Variants in ERO1A observed in about 807,000 individuals in gnomAD.
The protein encoded by ERO1A is endoplasmic reticulum oxidoreductase 1 alpha.
A neutral mutation model predicts 76.9 loss-of-function variants in ERO1A; 49 were observed. That is an observed-to-expected ratio of 0.64 (90% CI 0.51 to 0.81). The LOEUF is 0.81. ERO1A is among the 30% of genes least tolerant of loss of function. ERO1A has a pLI of 0.00. For missense variants in ERO1A, 448 were observed against 542.1 expected (o/e 0.83, Z 1.72); for synonymous variants, 174 against 181.2 (o/e 0.96, Z 0.32).
At chr14:52,681,904 C>A (rs1036282925) in intron 3 of ERO1A, among the ~76,000 whole-genome samples, 2 of 152,058 alleles carry the variant, frequency 1.3e-5, no homozygotes, top group African/African-American at 4.8e-5. Context: ...AATCAAATAT[C>A]AGGCCAAAAG....
intron 3 of ERO1A, among the ~76,000 whole-genome samples, chr14:52,680,082 CAAA>C (rs35358193): frequency 0.046 from 4,230 of 90,974 alleles, 220 homozygotes; most frequent in African/African-American, 0.16. Flanking sequence ...AAAACACAAA[CAAA>C]AAAAAAAAAA....
chr14:52,680,911 T>C (rs540183808), intron 3 of ERO1A, among the ~76,000 whole-genome samples: 23 of 152,310 alleles, frequency 1.5e-4, no homozygotes, highest in African/African-American at 5.1e-4. Context: ...TATTTACATA[T>C]GTAAAATTAA....
At chr14:52,646,973 C>CTTTT (rs1158872333) in intron 13 of ERO1A, 3 of 45,974 alleles carry the variant, frequency 6.5e-5, no homozygotes, top group Non-Finnish European at 3.9e-5. Flanking sequence ...CCTTTGGTTT[C>CTTTT]TTTTTTTTTT....
At chr14:52,680,993 T>C (rs1265521416) in intron 3 of ERO1A, among the ~76,000 whole-genome samples, 1 of 152,120 alleles carries the variant, frequency 6.6e-6, no homozygotes, top group East Asian at 1.9e-4. Context: ...AAAGTAAAAG[T>C]ATTGTCAAGA....
intron 13 of ERO1A, 124 bp from the exon 14 acceptor site, chr14:52,646,585 G>T: frequency 1.6e-6 from 1 of 643,782 alleles, no homozygotes; most frequent in Non-Finnish European, 2.7e-6. Flanking sequence ...AATGAGAACA[G>T]CACTAATATT....
intron 11 of ERO1A, among the ~76,000 whole-genome samples, chr14:52,654,302 A>T (rs8011410): frequency 0.12 from 17,973 of 152,136 alleles, 1,178 homozygotes; most frequent in East Asian, 0.21. Context: ...TTTATAAAAT[A>T]TAGTAGTGCA....
rs1049203434 is a variant in ERO1A at position 52,641,208 on chromosome 14, G to A, written c.*2362C>T. 2.6e-4 allele frequency: 40 copies of A among 152,062 alleles called. No individual in the cohort carries two copies. The highest frequency in any genetic ancestry group is 9.4e-4 in the African/African-American group (39 of 41,388). The allele number at this position is 152,062 out of a possible 1,614,324, so 9.4% of individuals were successfully genotyped here. ...TTAAGATTTTAGACTTTACAGGAAG[G>A]GACTGTTAACCAGAGAGCCAAATGG... On this transcript the variant is annotated 3_prime_UTR_variant, in exon 16 of 16. Transcript: ENST00000395686.
chr14:52,649,221 C>A (rs2039770719), intron 13 of ERO1A, among the ~76,000 whole-genome samples: 1 of 152,170 alleles, frequency 6.6e-6, no homozygotes, highest in East Asian at 1.9e-4. Flanking sequence ...CTGACCAATT[C>A]TTGCCCAAAT....
chr14:52,672,654 T>C (rs1201695669), intron 4 of ERO1A, among the ~76,000 whole-genome samples: 1 of 151,438 alleles, frequency 6.6e-6, no homozygotes, highest in Non-Finnish European at 1.5e-5. Flanking sequence ...CCTATAATAC[T>C]AGCTACTCAG....
chr14:52,662,703 G>A (rs74051010), intron 8 of ERO1A, among the ~76,000 whole-genome samples: 1 of 152,078 alleles, frequency 6.6e-6, no homozygotes, highest in Non-Finnish European at 1.5e-5. Flanking sequence ...GTGCCTAGCA[G>A]GTAGTAAATG....
At chr14:52,649,305 A>G (rs1168225747) in intron 13 of ERO1A, among the ~76,000 whole-genome samples, 1 of 152,194 alleles carries the variant, frequency 6.6e-6, no homozygotes, top group Non-Finnish European at 1.5e-5. Flanking sequence ...TCTCCTTCAT[A>G]CAAGTCCTCT....
chr14:52,645,747 G>C (rs2039627265), intron 15 of ERO1A, among the ~76,000 whole-genome samples: 1 of 151,642 alleles, frequency 6.6e-6, no homozygotes, highest in South Asian at 2.1e-4. Context: ...GCTCACGCCT[G>C]TAATCCAGCA....
intron 3 of ERO1A, among the ~76,000 whole-genome samples, chr14:52,681,074 G>A (rs2040977938): frequency 6.6e-6 from 1 of 151,666 alleles, no homozygotes; most frequent in African/African-American, 2.4e-5. Flanking sequence ...GTTGAAGACA[G>A]TATGGCAGAT....
At chr14:52,678,732 G>A (rs77990901) in intron 3 of ERO1A, among the ~76,000 whole-genome samples, 123 of 152,286 alleles carry the variant, frequency 8.1e-4, no homozygotes, top group South Asian at 2.3e-3. Context: ...TATCCCTTTT[G>A]ATGTTCAAAT....
intron 1 of ERO1A, among the ~76,000 whole-genome samples, chr14:52,687,639 G>A (rs1173070804): frequency 2.0e-5 from 3 of 152,148 alleles, no homozygotes; most frequent in East Asian, 3.9e-4. Context: ...TGCGGGTAAG[G>A]GGGAAAATTA....
intron 11 of ERO1A, among the ~76,000 whole-genome samples, chr14:52,655,443 G>A (rs2040013050): frequency 6.6e-6 from 1 of 152,104 alleles, no homozygotes; most frequent in Non-Finnish European, 1.5e-5. Flanking sequence ...TAAAGTATTA[G>A]GAGAGTTAAT....
chr14:52,693,175 A>G (rs2041416231), intron 1 of ERO1A, among the ~76,000 whole-genome samples: 2 of 152,016 alleles, frequency 1.3e-5, no homozygotes, highest in Admixed American at 6.6e-5. Flanking sequence ...CACACAGGCT[A>G]GAGTGCACTG....
intron 7 of ERO1A, among the ~76,000 whole-genome samples, chr14:52,664,836 T>C (rs991107703): frequency 9.9e-5 from 15 of 151,920 alleles, no homozygotes; most frequent in African/African-American, 1.9e-4. Flanking sequence ...GGACTACAGG[T>C]GCCCACCACT....
chr14:52,657,122 A>G (rs2040077057), intron 11 of ERO1A, among the ~76,000 whole-genome samples: 1 of 152,212 alleles, frequency 6.6e-6, no homozygotes, highest in African/African-American at 2.4e-5. Flanking sequence ...ACCCCTTTCC[A>G]TAGCAATGAC....
Sources: gnomAD v4.1 joint callset for allele counts (sites outside exome capture counted in the v4.1 genomes callset) on GRCh38, gnomAD v4.1.1 for gene constraint, MANE v1.5 for transcripts, NCBI Gene and HGNC (gene_info 2026-07-23, HGNC 2026-07-21) for gene names.